SYNE2: variants seen among roughly 807,000 people sequenced by gnomAD.
The protein encoded by SYNE2 is spectrin repeat containing nuclear envelope protein 2, also known as nesprin-2.
Under a neutral mutation model 856.3 loss-of-function variants are expected in SYNE2, and 431 were observed. The observed-to-expected ratio is 0.50, with a 90% CI of 0.47 to 0.55. SYNE2 has a LOEUF of 0.55. Ranked by LOEUF, SYNE2 falls within the 20% of genes least tolerant of loss-of-function variation. The pLI, the probability that SYNE2 is intolerant of heterozygous loss-of-function variation, is 0.00. For missense variants in SYNE2, 8,129 were observed against 8,023.2 expected, an observed-to-expected ratio of 1.01 and a Z score of -0.50; for synonymous variants, 2,923 against 2,872.3, an observed-to-expected ratio of 1.02 and a Z score of -0.56.
chr14:63,978,228 G>C (rs2153469818), intron 13 of SYNE2, among the ~76,000 whole-genome samples: 1 of 152,224 alleles, frequency 6.6e-6, no homozygotes, highest in East Asian at 1.9e-4. Context: ...GTAGAATATG[G>C]TGATGGAAAA....
intron 1 of SYNE2, among the ~76,000 whole-genome samples, chr14:63,780,812 G>C (rs1252267397): frequency 6.6e-6 from 1 of 152,176 alleles, no homozygotes; most frequent in Non-Finnish European, 1.5e-5. Context: ...TCATTTGCAT[G>C]TTGTTCTAGA....
rs762317925 is a variant in SYNE2, at chr14:64,207,969, G to T, written c.18202-789G>T. 4.2e-4 allele frequency: 192 copies of T among 455,928 alleles called. 1 individual carries two copies. Among genetic ancestry groups the T allele is most frequent in the Admixed American group, 3.3e-4 (14 of 42,552 alleles). 28.2% of individuals were successfully genotyped at this position (455,928 alleles called of 1,614,324 possible). A position where few individuals can be genotyped will look rare whatever the true frequency, so the allele number is the denominator to read the frequency against. ...CTCCCTCCCCGCAGCCCACCCATGG[G>T]GTACAGCAGAAATATTATCTGATGA... On this transcript the variant is annotated intron_variant, in intron 100 of 115. Transcript: ENST00000555002.
chr14:64,011,392 T>C lies in SYNE2; in HGVS notation c.4728+1276T>C, dbSNP rs1035731516. 6.6e-5 allele frequency among the ~76,000 whole-genome samples: 10 copies of C among 152,150 alleles called. No homozygotes were observed. In the East Asian group the frequency reaches 1.5e-3, roughly 23 times the overall value. On this transcript the variant is annotated intron_variant, in intron 32 of 115. Coordinates refer to ENST00000555002, the MANE Select transcript of SYNE2 (RefSeq NM_182914.3). ...TGGCTCATCTTGGGATCTAGAAGGG[T>C]CCTGTCCTCTTTCAGTAGATTTAAA...
At chr14:63,890,713 C>T (rs944280273) in intron 1 of SYNE2, among the ~76,000 whole-genome samples, 6 of 152,188 alleles carry the variant, frequency 3.9e-5, no homozygotes, top group African/African-American at 1.4e-4. Flanking sequence ...TTTGACTAGG[C>T]TCACTTATCC....
chr14:63,856,670 A>G (rs1257204694), intron 1 of SYNE2, among the ~76,000 whole-genome samples: 1 of 151,974 alleles, frequency 6.6e-6, no homozygotes, highest in Non-Finnish European at 1.5e-5. Context: ...TTTTCTTTTT[A>G]AAGACAAAAT....
At chr14:63,942,652 C>T (rs185386896) in intron 6 of SYNE2, among the ~76,000 whole-genome samples, 21 of 152,216 alleles carry the variant, frequency 1.4e-4, no homozygotes, top group Non-Finnish European at 1.6e-4. Flanking sequence ...TGCACCATCA[C>T]GCCCAGCCAA....
chr14:63,776,863 AGT>A (rs1887128331), intron 1 of SYNE2, among the ~76,000 whole-genome samples: 1 of 152,176 alleles, frequency 6.6e-6, no homozygotes, highest in South Asian at 2.1e-4. Flanking sequence ...GGCCTCCCAG[AGT>A]GCTGGGATTA....
At chr14:63,884,189 G>C (rs1023081963) in intron 1 of SYNE2, among the ~76,000 whole-genome samples, 1 of 152,198 alleles carries the variant, frequency 6.6e-6, no homozygotes, top group African/African-American at 2.4e-5. Context: ...CAGTGGAGAA[G>C]GTGGAATTTC....
At chr14:63,861,648 A>G (rs1240619763) in intron 1 of SYNE2, among the ~76,000 whole-genome samples, 2 of 151,686 alleles carry the variant, frequency 1.3e-5, no homozygotes, top group African/African-American at 2.4e-5. Flanking sequence ...TAGCTGGGCT[A>G]TGGTGGTGCA....
At chr14:64,129,444 TG>T in intron 74 of SYNE2, among the ~76,000 whole-genome samples, 1 of 152,348 alleles carries the variant, frequency 6.6e-6, no homozygotes, top group Admixed American at 6.5e-5. Flanking sequence ...TACAATAGCA[TG>T]CTGTGTGTCT....
At chr14:63,943,421 A>G (rs1360368173) in intron 6 of SYNE2, among the ~76,000 whole-genome samples, 3 of 152,196 alleles carry the variant, frequency 2.0e-5, no homozygotes, top group Non-Finnish European at 4.4e-5. Flanking sequence ...AACTTAGGAA[A>G]AATATTTATT....
chr14:64,033,814 G>A (rs931114401), intron 45 of SYNE2, among the ~76,000 whole-genome samples: 36 of 152,118 alleles, frequency 2.4e-4, no homozygotes, highest in Admixed American at 5.2e-4. Flanking sequence ...TCATTTAAAT[G>A]TTTTTTTCAG....
intron 2 of SYNE2, among the ~76,000 whole-genome samples, chr14:63,932,209 C>T (rs2095766471): frequency 6.6e-6 from 1 of 151,946 alleles, no homozygotes; most frequent in African/African-American, 2.4e-5. Flanking sequence ...AGTGAAACCC[C>T]CGTCTCTACT....
chr14:63,988,355 G>A (rs1368404721), intron 19 of SYNE2, among the ~76,000 whole-genome samples: 21 of 152,190 alleles, frequency 1.4e-4, no homozygotes, highest in Admixed American at 1.4e-3. Flanking sequence ...TGGGATTGTA[G>A]GCGTGAGCCA....
At chr14:64,038,808 G>A (rs1033120051) in intron 45 of SYNE2, among the ~76,000 whole-genome samples, 7 of 152,198 alleles carry the variant, frequency 4.6e-5, no homozygotes, top group African/African-American at 1.2e-4. Flanking sequence ...GTCCAGCTTC[G>A]GCTCGGCATC....
intron 95 of SYNE2, 24 bp from the exon 96 acceptor site, chr14:64,177,334 A>T: frequency 6.2e-7 from 1 of 1,614,034 alleles, no homozygotes; most frequent in Non-Finnish European, 8.5e-7. Context: ...AATACTTACC[A>T]GTTTTAATCT....
intron 32 of SYNE2, among the ~76,000 whole-genome samples, chr14:64,015,347 T>C (rs908739544): frequency 3.2e-4 from 48 of 152,062 alleles, no homozygotes; most frequent in Non-Finnish European, 2.9e-5. Context: ...GGGGAGTTTC[T>C]ACATTATTCA....
chr14:64,024,124 A>C lies in SYNE2; in HGVS notation c.5638-133A>C, dbSNP rs1405297703. The C allele has an allele frequency of 7.8e-5, 58 of 745,350 alleles. No homozygotes were observed. The South Asian group carries it at 8.2e-4, about 11-fold the overall frequency. 46.2% of individuals were successfully genotyped at this position (745,350 alleles called of 1,614,324 possible). On this transcript the variant is annotated intron_variant, in intron 38 of 115. Transcript: ENST00000555002. The stretch of plus-strand genomic sequence containing the variant: ...TGCCATTGGAGATAGCCACATCTCC[A>C]TCACCCTTCTTTCGTATAGGATCTT...
intron 1 of SYNE2, among the ~76,000 whole-genome samples, chr14:63,810,937 C>T (rs1287476839): frequency 4.6e-5 from 7 of 151,738 alleles, no homozygotes; most frequent in South Asian, 4.2e-4. Context: ...TGGGTTCAAG[C>T]GATTCTCCTG....
Sources: gnomAD v4.1 joint callset for allele counts (sites outside exome capture counted in the v4.1 genomes callset) on GRCh38, gnomAD v4.1.1 for gene constraint, MANE v1.5 for transcripts, NCBI Gene and HGNC (gene_info 2026-07-23, HGNC 2026-07-21) for gene names.